The following RPH3AL variants were observed in gnomAD, a reference collection of about 807,000 sequenced individuals.
RPH3AL encodes rab effector Noc2.
A neutral mutation model predicts 43.1 loss-of-function variants in RPH3AL; 38 were observed. The observed-to-expected ratio is 0.88, with a 90% CI of 0.68 to 1.15. The LOEUF is 1.15. Ranked by LOEUF, RPH3AL falls within the 50% of genes most tolerant of loss-of-function variation. The pLI is 0.00. For synonymous variants in RPH3AL, 189 were observed against 176.3 expected, an observed-to-expected ratio of 1.07 and a Z score of -0.57; for missense variants, 462 against 423.2, an observed-to-expected ratio of 1.09 and a Z score of -0.81.
At chr17:313,894 C>T (rs1006150931) in intron 5 of RPH3AL, among the ~76,000 whole-genome samples, 2 of 152,180 alleles carry the variant, frequency 1.3e-5, no homozygotes, top group African/African-American at 4.8e-5. Context: ...CACTCCCCTC[C>T]CACCTCAATC....
intron 8 of RPH3AL, among the ~76,000 whole-genome samples, chr17:216,624 T>A (rs1159785322): frequency 6.6e-6 from 1 of 152,088 alleles, no homozygotes; most frequent in East Asian, 1.9e-4. Context: ...GTATAAAGCC[T>A]GCCCTGGAAA....
intron 3 of RPH3AL, 102 bp from the exon 4 acceptor site, chr17:321,517 G>C: frequency 3.7e-6 from 5 of 1,342,806 alleles, no homozygotes; most frequent in Non-Finnish European, 4.9e-6. Flanking sequence ...TCAGTGGACG[G>C]CCCAGGTGCC....
rs569375210 is a variant in RPH3AL, at chr17:236,844, C to T, written c.613+10267G>A. On this transcript the variant is annotated intron_variant, in intron 7 of 9. Coordinates refer to ENST00000331302, the MANE Select transcript of RPH3AL (RefSeq NM_006987.4). ...AACTGAGCGACAGCCTGACGCTGCA[C>T]GGCTTCCGCCACGGGCGGGGCATGC... 2.8e-3 allele frequency among the ~76,000 whole-genome samples: 429 copies of T among 152,382 alleles called. 3 individuals carry two copies. The highest frequency in any genetic ancestry group is 6.8e-3 in the African/African-American group (284 of 41,604).
chr17:290,510 T>C lies in RPH3AL; in HGVS notation c.352-8656A>G, dbSNP rs1487206937. On this transcript the variant is annotated intron_variant, in intron 5 of 9. Coordinates refer to ENST00000331302, the MANE Select transcript of RPH3AL (RefSeq NM_006987.4). This position sits in a 1 kb window ranked among gnomAD's most constrained non-coding sequence, Gnocchi z 4.2. ...CCGTCCCAAGGCCTGATCAGGCACC[T>C]TCCTCAATGTCCTTCTTATCCAGGG... is the stretch of plus-strand genomic sequence containing the variant. Among the ~76,000 whole-genome samples the C allele has an allele frequency of 3.3e-5, 5 of 152,128 alleles. No individual in the cohort carries two copies. Among genetic ancestry groups the C allele is most frequent in the Non-Finnish European group, 7.4e-5 (5 of 67,998 alleles).
chr17:275,178 C>G (rs76735288), intron 6 of RPH3AL, among the ~76,000 whole-genome samples: 1,619 of 149,086 alleles, frequency 0.011, 37 homozygotes, highest in African/African-American at 0.039. Flanking sequence ...AACTCTTGTA[C>G]ATGAACATGT....
intron 6 of RPH3AL, among the ~76,000 whole-genome samples, chr17:261,319 T>C (rs1258284711): frequency 6.6e-6 from 1 of 152,196 alleles, no homozygotes; most frequent in East Asian, 1.9e-4. Flanking sequence ...GCTGCCCTTA[T>C]GAAGAGAGAG....
intron 5 of RPH3AL, among the ~76,000 whole-genome samples, chr17:292,211 C>A (rs2043063885): frequency 6.6e-6 from 1 of 152,318 alleles, no homozygotes; most frequent in Non-Finnish European, 1.5e-5. Context: ...ATAAGCTCAG[C>A]CCTGCTCAGC....
intron 1 of RPH3AL, among the ~76,000 whole-genome samples, chr17:349,706 T>A (rs2045317083): frequency 6.6e-6 from 1 of 152,162 alleles, no homozygotes; most frequent in African/African-American, 2.4e-5. Context: ...ACTAATTAAT[T>A]CAATTTAATT....
Position 299,528 on chromosome 17 carries a change from G to GC in RPH3AL, c.352-17675dup, listed in dbSNP as rs1168250227. ...CAGCTTCCCCATCAGCAGAAGAGCT[G>GC]CCCCCCGTGTCCTCCCACAGGGAAC... is the stretch of plus-strand genomic sequence containing the variant. On this transcript the variant is annotated intron_variant, in intron 5 of 9. Transcript: ENST00000331302. 2.0e-5 allele frequency among the ~76,000 whole-genome samples: 3 copies of GC among 152,166 alleles called. No individual in the cohort carries two copies. The East Asian group carries it at 5.8e-4, about 29-fold the overall frequency.
At chr17:317,854 T>C (rs928497135) in intron 5 of RPH3AL, among the ~76,000 whole-genome samples, 3 of 152,146 alleles carry the variant, frequency 2.0e-5, no homozygotes, top group African/African-American at 7.2e-5. Flanking sequence ...CATCCACATT[T>C]ATTTCTTTTG....
intron 1 of RPH3AL, among the ~76,000 whole-genome samples, chr17:334,295 G>A (rs575271875): frequency 6.6e-5 from 10 of 152,340 alleles, no homozygotes; most frequent in Admixed American, 4.6e-4. Flanking sequence ...ACAGCCGCCC[G>A]CAGCTGTCTG....
intron 5 of RPH3AL, among the ~76,000 whole-genome samples, chr17:316,904 C>A (rs1247262960): frequency 6.6e-6 from 1 of 151,764 alleles, no homozygotes; most frequent in East Asian, 1.9e-4. Flanking sequence ...TCCCTGTGCT[C>A]CACCTCCACT....
chr17:249,091 G>T (rs1213395909), intron 6 of RPH3AL, among the ~76,000 whole-genome samples: 3 of 152,142 alleles, frequency 2.0e-5, no homozygotes, highest in Non-Finnish European at 4.4e-5. Context: ...GCTGAGTTAA[G>T]GTCCCTAAAT....
At chr17:307,926 G>C (rs762825252) in intron 5 of RPH3AL, among the ~76,000 whole-genome samples, 2 of 152,194 alleles carry the variant, frequency 1.3e-5, no homozygotes, top group Non-Finnish European at 2.9e-5. Flanking sequence ...GATGCCGTGC[G>C]GTGTCTGGTC....
At chr17:255,855 C>G (rs868995808) in intron 6 of RPH3AL, among the ~76,000 whole-genome samples, 1 of 55,354 alleles carries the variant, frequency 1.8e-5, no homozygotes, top group Non-Finnish European at 4.0e-5. Context: ...AGGGGAGCCG[C>G]ACGGCGTCTG....
intron 2 of RPH3AL, chr17:331,018 G>C (rs1405659478): frequency 6.6e-6 from 1 of 152,068 alleles, no homozygotes; most frequent in African/African-American, 2.4e-5. Context: ...ACCGCCTCCT[G>C]CAATTTCAAT....
At chr17:273,134 G>A (rs879055023) in intron 6 of RPH3AL, among the ~76,000 whole-genome samples, 55 of 45,952 alleles carry the variant, frequency 1.2e-3, no homozygotes, top group African/African-American at 1.9e-3. Flanking sequence ...TGACGTCAGG[G>A]AGAGACCCCA....
rs2042281242 is a variant in RPH3AL at position 264,721 on chromosome 17, T to C, written c.438+17047A>G. On this transcript the variant is annotated intron_variant, in intron 6 of 9. Transcript: ENST00000331302. This position sits in a 1 kb window ranked among gnomAD's most constrained non-coding sequence, Gnocchi z 4.8. The stretch of plus-strand genomic sequence containing the variant: ...GCGTGGAGGATGACCCTTCCACCTG[T>C]GACCGGTATCAGCAAAAATGGAACA... 6.6e-6 allele frequency among the ~76,000 whole-genome samples: 1 copy of C among 152,182 alleles called. No individual in the cohort carries two copies.
At chr17:351,324 A>T (rs1398420582) in intron 1 of RPH3AL, among the ~76,000 whole-genome samples, 1 of 151,436 alleles carries the variant, frequency 6.6e-6, no homozygotes, top group Non-Finnish European at 1.5e-5. Context: ...GTCAAGAAAC[A>T]CTCCCCTCCT....
Sources: allele counts gnomAD v4.1 joint callset (sites outside exome capture counted in the v4.1 genomes callset), GRCh38; gene constraint gnomAD v4.1.1; non-coding constraint Gnocchi (gnomAD v3.1); transcripts MANE v1.5; gene names NCBI Gene and HGNC (gene_info 2026-07-23, HGNC 2026-07-21).